Variants in CUBN observed in about 807,000 individuals in gnomAD.
CUBN encodes the protein 460 kDa receptor.
CUBN carries 282 observed loss-of-function variants against 405.3 expected under a neutral mutation model. That is an observed-to-expected ratio of 0.70 (90% CI 0.63 to 0.77). CUBN has a LOEUF of 0.77. CUBN is among the 30% of genes least tolerant of loss of function. CUBN has a pLI of 0.00. For missense variants in CUBN, 4,514 were observed against 4,475.2 expected (o/e 1.01, Z -0.25); for synonymous variants, 1,684 against 1,617.0 (o/e 1.04, Z -0.99).
intron 39 of CUBN, among the ~76,000 whole-genome samples, chr10:16,934,855 G>A (rs1426599208): frequency 1.3e-5 from 2 of 152,202 alleles, no homozygotes; most frequent in Non-Finnish European, 2.9e-5. Flanking sequence ...GATGGATGAT[G>A]AGAGGCACCC....
chr10:16,999,394 A>T (rs984518557), intron 28 of CUBN, among the ~76,000 whole-genome samples: 2 of 152,186 alleles, frequency 1.3e-5, no homozygotes, highest in Non-Finnish European at 2.9e-5. Flanking sequence ...TCATCTTTTC[A>T]CTTTGATTAA....
At chr10:16,881,754 G>C (rs1840670510) in intron 56 of CUBN, among the ~76,000 whole-genome samples, 1 of 152,062 alleles carries the variant, frequency 6.6e-6, no homozygotes, top group Admixed American at 6.6e-5. Flanking sequence ...CATAATATTA[G>C]AAGCTGGTAA....
intron 48 of CUBN, among the ~76,000 whole-genome samples, chr10:16,909,532 AGG>A (rs1841661758): frequency 6.6e-6 from 1 of 152,256 alleles, no homozygotes; most frequent in Admixed American, 6.5e-5. Flanking sequence ...TGCTGAAAAC[AGG>A]AATGGGCACC....
chr10:17,062,747 T>C (rs1277087911), intron 22 of CUBN, among the ~76,000 whole-genome samples: 1 of 152,206 alleles, frequency 6.6e-6, no homozygotes, highest in African/African-American at 2.4e-5. Flanking sequence ...ACTTAACCTT[T>C]ATCAGATGAA....
intron 54 of CUBN, among the ~76,000 whole-genome samples, chr10:16,897,632 G>T (rs983062448): frequency 1.3e-5 from 2 of 152,082 alleles, no homozygotes; most frequent in Admixed American, 1.3e-4. Context: ...CACCTACCCT[G>T]GTGTCTCTGG....
At chr10:16,886,259 T>C (rs117717003) in intron 56 of CUBN, among the ~76,000 whole-genome samples, 3,825 of 152,298 alleles carry the variant, frequency 0.025, 67 homozygotes, top group Non-Finnish European at 0.04. Context: ...AAGGATTAAG[T>C]GAGACAAGCT....
intron 6 of CUBN, among the ~76,000 whole-genome samples, chr10:17,117,285 G>T (rs1024804779): frequency 1.3e-5 from 2 of 152,126 alleles, no homozygotes; most frequent in African/African-American, 4.8e-5. Context: ...ACACATATTT[G>T]AGCATTTGAT....
intron 31 of CUBN, among the ~76,000 whole-genome samples, chr10:16,963,587 T>C (rs916731036): frequency 1.3e-5 from 2 of 152,344 alleles, no homozygotes; most frequent in Non-Finnish European, 2.9e-5. Flanking sequence ...GGTGGTTACA[T>C]ACAGATATTG....
At chr10:16,901,917 ATAC>A (rs1841391175) in intron 51 of CUBN, among the ~76,000 whole-genome samples, 1 of 124,942 alleles carries the variant, frequency 8.0e-6, no homozygotes, top group African/African-American at 2.9e-5. Context: ...ATATATATAT[ATAC>A]ACACACACAC....
chr10:17,118,540 G>C (rs549674446), intron 6 of CUBN, among the ~76,000 whole-genome samples: 1 of 152,158 alleles, frequency 6.6e-6, no homozygotes, highest in East Asian at 1.9e-4. Context: ...AGGTTCAAGC[G>C]ATCTTCCCAC....
At chr10:16,845,556 C>T (rs1415446461) in intron 60 of CUBN, among the ~76,000 whole-genome samples, 1 of 152,158 alleles carries the variant, frequency 6.6e-6, no homozygotes, top group East Asian at 1.9e-4. Flanking sequence ...GGGAAAAAGC[C>T]ACAAAGAAGC....
intron 58 of CUBN, among the ~76,000 whole-genome samples, chr10:16,871,759 T>C (rs1840360330): frequency 6.6e-6 from 1 of 152,180 alleles, no homozygotes; most frequent in South Asian, 2.1e-4. Flanking sequence ...TTATTTTACA[T>C]CATTTTCCCA....
In CUBN at chr10:16,851,307, A is replaced by G; in HGVS notation, c.9591T>C (p.Ile3197=). ...GAGCAAATGTATTGAAGGTGAGGTGAATTACTTTGTTTACAGGTGCAATTA... is the reference window on the plus strand; with the variant it reads ...GAGCAAATGTATTGAAGGTGAGGTGGATTACTTTGTTTACAGGTGCAATTA... ...WIIIAPVNKV[I]HLTFNTFALE... Residue 3197 remains isoleucine (I), a synonymous_variant, in exon 60 of 67, where the codon ATT becomes ATC. Coordinates refer to ENST00000377833, the MANE Select transcript of CUBN (RefSeq NM_001081.4). 6.2e-7 allele frequency: 1 copy of G among 1,614,136 alleles called. No homozygotes were observed. Among genetic ancestry groups the G allele is most frequent in the South Asian group, 1.1e-5 (1 of 91,086 alleles).
At chr10:16,929,074 T>C (rs184099310) in intron 40 of CUBN, among the ~76,000 whole-genome samples, 54 of 152,262 alleles carry the variant, frequency 3.5e-4, no homozygotes, top group Middle Eastern at 3.4e-3. Flanking sequence ...CCAAAAGGTA[T>C]GCAATTGTAT....
At chr10:17,062,042 A>T (rs1028445390) in intron 22 of CUBN, among the ~76,000 whole-genome samples, 1 of 152,206 alleles carries the variant, frequency 6.6e-6, no homozygotes, top group African/African-American at 2.4e-5. Context: ...GACATACCCT[A>T]AAAAATACAT....
intron 62 of CUBN, among the ~76,000 whole-genome samples, chr10:16,840,035 G>A (rs1839293796): frequency 1.5e-5 from 2 of 137,926 alleles, no homozygotes; most frequent in Admixed American, 1.6e-4. Context: ...ATGGACACAG[G>A]AAGGGGAACA....
chr10:17,080,650 C>T (rs1227565143), intron 17 of CUBN, among the ~76,000 whole-genome samples: 2 of 152,138 alleles, frequency 1.3e-5, no homozygotes, highest in South Asian at 4.1e-4. Context: ...CATTTCCCTT[C>T]GTATCCTACC....
Position 16,925,686 on chromosome 10 carries a change from C to T in CUBN, c.6360G>A (p.Trp2120Ter), listed in dbSNP as rs1245240726. Reference sequence around the variant, plus strand: ...TCAGGCCACTTTGGACCAGGACGTGCCAAGAACAGTTGAGGTTGGATGGGT... The same window carrying T: ...TCAGGCCACTTTGGACCAGGACGTGTCAAGAACAGTTGAGGTTGGATGGGT... ...ETYPSNLNCS[W>*]HVLVQSGLTI... is the part of the protein sequence containing the mutation. The change falls in exon 42 of 67, where the codon TGG (tryptophan) becomes TGA (stop). Residue 2120 changes from tryptophan (W) to a stop codon, truncating the protein, a stop_gained. Coordinates refer to ENST00000377833, the MANE Select transcript of CUBN (RefSeq NM_001081.4). LOFTEE classifies it high-confidence loss of function. The T allele has an allele frequency of 2.5e-6, 4 of 1,613,882 alleles. No individual in the cohort carries two copies.
At chr10:17,028,942 T>C (rs1331753853) in intron 27 of CUBN, among the ~76,000 whole-genome samples, 5 of 152,226 alleles carry the variant, frequency 3.3e-5, no homozygotes, top group African/African-American at 1.2e-4. Flanking sequence ...TGCTTATTCA[T>C]ACCATGAGCC....
Sources: allele counts gnomAD v4.1 joint callset (sites outside exome capture counted in the v4.1 genomes callset), GRCh38; gene constraint gnomAD v4.1.1; transcripts MANE v1.5; gene names NCBI Gene and HGNC (gene_info 2026-07-23, HGNC 2026-07-21).